The following RPH3A variants were observed in gnomAD, a reference collection of about 807,000 sequenced individuals.
The protein encoded by RPH3A is rabphilin-3A.
In RPH3A, 48 loss-of-function variants were observed where a neutral mutation model predicts 102.2. The ratio of observed to expected loss-of-function variants is 0.47; its 90% confidence interval spans 0.37 to 0.60. The LOEUF is 0.60. Among genes scored for constraint, RPH3A ranks in the 20% least tolerant of loss-of-function variants. The pLI is 0.00. For missense variants in RPH3A, 781 were observed against 910.1 expected (o/e 0.86, Z 1.83); for synonymous variants, 310 against 324.3 (o/e 0.96, Z 0.47).
intron 1 of RPH3A, among the ~76,000 whole-genome samples, chr12:112,607,435 G>T (rs950886726): frequency 6.6e-6 from 1 of 152,030 alleles, no homozygotes; most frequent in Non-Finnish European, 1.5e-5. Context: ...ATAATTACCC[G>T]TTTTTTTCCT....
chr12:112,897,955 C>T lies in RPH3A; in HGVS notation c.*1175C>T, dbSNP rs1229020488. On this transcript the variant is annotated 3_prime_UTR_variant, in exon 22 of 22. Coordinates refer to ENST00000389385, the MANE Select transcript of RPH3A (RefSeq NM_001143854.2). ...AAGCCTCCAGCCTTTCTCCTTTCTC[C>T]GCTCTTAGGTAAATGAACAAGCTAC... The T allele has an allele frequency of 1.3e-5, 2 of 152,310 alleles. No homozygotes were observed. Among genetic ancestry groups the T allele is most frequent in the African/African-American group, 4.8e-5 (2 of 41,446 alleles). 9.4% of individuals were successfully genotyped at this position (152,310 alleles called of 1,614,324 possible).
chr12:112,875,543 G>C (rs2042781404), intron 11 of RPH3A, 136 bp from the exon 12 acceptor site: 1 of 699,768 alleles, frequency 1.4e-6, no homozygotes, highest in Non-Finnish European at 2.5e-6. Context: ...CTCCCAGTGG[G>C]ACTGTTTCTG....
intron 1 of RPH3A, among the ~76,000 whole-genome samples, chr12:112,713,058 CTTCTT>C (rs2040488723): frequency 7.0e-5 from 6 of 85,874 alleles, no homozygotes; most frequent in Non-Finnish European, 1.4e-4. Context: ...TCTCCTTCTT[CTTCTT>C]CTTCTTCTTC....
chr12:112,694,294 C>G (rs926368191), intron 1 of RPH3A, among the ~76,000 whole-genome samples: 4 of 152,130 alleles, frequency 2.6e-5, no homozygotes, highest in Non-Finnish European at 5.9e-5. Context: ...TCTCACGTGG[C>G]CCAGCTGCTC....
At chr12:112,591,796 T>G (rs2039481039) in intron 1 of RPH3A, among the ~76,000 whole-genome samples, 1 of 152,202 alleles carries the variant, frequency 6.6e-6, no homozygotes, top group South Asian at 2.1e-4. Context: ...GTCATTTATT[T>G]CTTTTCATCT....
At chr12:112,802,839 C>T (rs990691023) in intron 2 of RPH3A, among the ~76,000 whole-genome samples, 1 of 152,198 alleles carries the variant, frequency 6.6e-6, no homozygotes, top group African/African-American at 2.4e-5. Flanking sequence ...CTGTCCTCTC[C>T]CCAGGGCCTC....
chr12:112,658,889 T>C (rs1272078535), intron 1 of RPH3A, among the ~76,000 whole-genome samples: 1 of 152,208 alleles, frequency 6.6e-6, no homozygotes, highest in Admixed American at 6.5e-5. Context: ...GTCCATCTAC[T>C]TGGGCTTGGA....
intron 1 of RPH3A, among the ~76,000 whole-genome samples, chr12:112,766,448 G>A (rs111570287): frequency 2.6e-4 from 40 of 152,256 alleles, no homozygotes; most frequent in African/African-American, 8.9e-4. Flanking sequence ...TGTAGACCCT[G>A]AAACGTGAAA....
chr12:112,831,454 C>A (rs1271203776), intron 3 of RPH3A, among the ~76,000 whole-genome samples: 1 of 152,134 alleles, frequency 6.6e-6, no homozygotes, highest in Non-Finnish European at 1.5e-5. Flanking sequence ...CTCTTAACGA[C>A]ATCTTAATTC....
upstream of RPH3A, chr12:112,791,509 G>A (rs2041100411): frequency 6.6e-6 from 1 of 151,902 alleles, no homozygotes; most frequent in Non-Finnish European, 1.5e-5. Context: ...CTCTGCCTAG[G>A]GGTTCGCTTC....
intron 1 of RPH3A, among the ~76,000 whole-genome samples, chr12:112,706,983 C>T (rs908407552): frequency 2.0e-5 from 3 of 152,110 alleles, no homozygotes; most frequent in Non-Finnish European, 4.4e-5. Context: ...CCCAACAAGC[C>T]GTGACCTACA....
chr12:112,858,266 CAAAAAAAAAAAAA>C lies in RPH3A; in HGVS notation c.231-7132_231-7120del, dbSNP rs1164602599. Among the ~76,000 whole-genome samples the C allele has an allele frequency of 4.7e-4, 21 of 44,776 alleles. 1 individual carries two copies. The highest frequency in any genetic ancestry group is 2.1e-3 in the Admixed American group (5 of 2,388). The allele number at this position is 44,776 out of a possible 152,430, so 29.4% of individuals were successfully genotyped here. ...TGGGTGACAGAGTCAGACCCTGTCT[CAAAAAAAAAAAAA>C]AAAAAAAAAAAAAAAGAAAAGAAAA... On this transcript the variant is annotated intron_variant, in intron 5 of 21. Transcript: ENST00000389385.
At chr12:112,711,911 C>T (rs1592956857) in intron 1 of RPH3A, among the ~76,000 whole-genome samples, 2 of 152,164 alleles carry the variant, frequency 1.3e-5, no homozygotes, top group East Asian at 3.9e-4. Context: ...CAGCTCACTA[C>T]AACCTCTGCC....
chr12:112,891,850 C>T (rs1318670995), intron 19 of RPH3A, among the ~76,000 whole-genome samples: 1 of 152,204 alleles, frequency 6.6e-6, no homozygotes, highest in East Asian at 1.9e-4. Context: ...GTTACGCTTC[C>T]TGTAGCTGGA....
At chr12:112,831,673 G>T in intron 3 of RPH3A, 1 of 362,272 alleles carries the variant, frequency 2.8e-6, no homozygotes, top group Non-Finnish European at 5.5e-6. Flanking sequence ...TTTTCATTTG[G>T]TAAAATTCTG....
intron 1 of RPH3A, among the ~76,000 whole-genome samples, chr12:112,672,642 G>A (rs118053790): frequency 6.6e-6 from 1 of 152,160 alleles, no homozygotes; most frequent in African/African-American, 2.4e-5. Flanking sequence ...TGTCCTCCCT[G>A]TGGGCTTCAG....
chr12:112,828,243 G>A, intron 2 of RPH3A, 58 bp from the exon 3 acceptor site: 1 of 1,163,830 alleles, frequency 8.6e-7, no homozygotes, highest in South Asian at 1.3e-5. Context: ...CAGGGATTTG[G>A]GAACTAAGGA....
chr12:112,840,779 G>T (rs578058054), intron 4 of RPH3A, among the ~76,000 whole-genome samples: 1 of 152,080 alleles, frequency 6.6e-6, no homozygotes, highest in African/African-American at 2.4e-5. Flanking sequence ...TCGGGTAGGG[G>T]CATACAACCA....
intron 1 of RPH3A, among the ~76,000 whole-genome samples, chr12:112,785,878 A>C (rs1300321537): frequency 6.6e-6 from 1 of 152,194 alleles, no homozygotes; most frequent in African/African-American, 2.4e-5. Flanking sequence ...GGACGTTTTC[A>C]CTGCATTCCT....
Sources: gnomAD v4.1 joint callset for allele counts (sites outside exome capture counted in the v4.1 genomes callset) on GRCh38, gnomAD v4.1.1 for gene constraint, MANE v1.5 for transcripts, NCBI Gene and HGNC (gene_info 2026-07-23, HGNC 2026-07-21) for gene names.